The following ABCA8 variants were observed in gnomAD, a reference collection of about 807,000 sequenced individuals.
The protein encoded by ABCA8 is ABC-type organic anion transporter ABCA8.
A neutral mutation model predicts 192.3 loss-of-function variants in ABCA8; 177 were observed. That is an observed-to-expected ratio of 0.92 (90% CI 0.81 to 1.04). The LOEUF (loss-of-function observed/expected upper bound fraction) is 1.04, where lower values mean the gene tolerates loss of function less well. ABCA8 is among the 50% of genes least tolerant of loss of function. ABCA8 has a pLI of 0.00. For synonymous variants in ABCA8, 642 were observed against 690.2 expected (o/e 0.93, Z 1.09); for missense variants, 1,915 against 1,904.8 (o/e 1.01, Z -0.10).
intron 12 of ABCA8, 96 bp from the exon 13 acceptor site, chr17:68,921,588 T>C (rs2067535555): frequency 6.3e-6 from 4 of 630,902 alleles, no homozygotes; most frequent in Non-Finnish European, 1.1e-5. Context: ...CAATGAATTG[T>C]TATTAATTCT....
intron 11 of ABCA8, among the ~76,000 whole-genome samples, chr17:68,923,362 G>A (rs1022871248): frequency 6.6e-6 from 1 of 151,896 alleles, no homozygotes; most frequent in South Asian, 2.1e-4. Context: ...ACCATGCTTG[G>A]CTAATTTTTG....
intron 32 of ABCA8, chr17:68,879,617 A>T (rs2143276977): frequency 6.6e-6 from 1 of 152,410 alleles, no homozygotes; most frequent in South Asian, 2.1e-4. Flanking sequence ...GGGGCTGTGT[A>T]CTCCGGGGGA....
intron 1 of ABCA8, among the ~76,000 whole-genome samples, chr17:68,954,405 G>A (rs1408075181): frequency 6.6e-6 from 1 of 151,966 alleles, no homozygotes; most frequent in Non-Finnish European, 1.5e-5. Flanking sequence ...ATCTTCCATC[G>A]TAAAGTATTA....
At chr17:68,885,357 A>G (rs963808767) in intron 26 of ABCA8, 42 bp from the exon 27 acceptor site, 4 of 1,560,504 alleles carry the variant, frequency 2.6e-6, no homozygotes, top group East Asian at 2.3e-5. Flanking sequence ...CTGAATTTCA[A>G]TGTAAGTTCC....
At position 68,932,189 on chromosome 17, in the gene ABCA8, G is replaced by A. The variant is rs9900030; in HGVS notation, c.797+99C>T. 15,712 of 901,090 alleles carry A rather than the reference G, an allele frequency of 0.017. 1,638 individuals are homozygous for A. In the African/African-American group the frequency reaches 0.23, roughly 13 times the overall value. The allele number at this position is 901,090 out of a possible 1,614,324, so 55.8% of individuals were successfully genotyped here. A position where few individuals can be genotyped will look rare whatever the true frequency, so the allele number is the denominator to read the frequency against. On this transcript the variant is annotated intron_variant, in intron 7 of 39. Coordinates refer to ENST00000586539, the MANE Select transcript of ABCA8 (RefSeq NM_001288985.2). ...CACGCCACTGCACTCCAGCCTGGGC[G>A]ACAGAGCGAGACTCCATTTCAAAAA...
rs540971311 is a variant in ABCA8 at position 68,902,768 on chromosome 17, A to G, written c.2709T>C (p.Ala903=). The change falls in exon 21 of 40, where the codon GCT becomes GCC. Residue 903 remains alanine, a synonymous_variant. Transcript: ENST00000586539. The part of the protein sequence containing the change: ...WELSPHLYFL[A]PGQQPHDPLT... ...GAGGGTCATGTGGTTGTTGTCCAGG[A>G]GCAAGGAAATACAAATGAGGAGAAA... The G allele has an allele frequency of 1.7e-5, 28 of 1,613,814 alleles. No individual in the cohort carries two copies. The African/African-American group carries it at 3.5e-4, about 20-fold the overall frequency.
At chr17:68,886,004 A>C (rs1052152282) in intron 26 of ABCA8, among the ~76,000 whole-genome samples, 2 of 152,232 alleles carry the variant, frequency 1.3e-5, no homozygotes, top group African/African-American at 4.8e-5. Flanking sequence ...GGGAAATAGA[A>C]GCATTTAACA....
chr17:68,886,953 A>T, intron 26 of ABCA8, 64 bp downstream of exon 26: 1 of 1,177,362 alleles, frequency 8.5e-7, no homozygotes, highest in Non-Finnish European at 1.2e-6. Flanking sequence ...GGCAAAATTT[A>T]AAGGATTAGC....
chr17:68,881,307 TTAG>T, intron 31 of ABCA8, 96 bp from the exon 32 acceptor site: 1 of 869,648 alleles, frequency 1.1e-6, no homozygotes, highest in Non-Finnish European at 1.8e-6. Flanking sequence ...GCATTTGCTA[TTAG>T]TTGTCATTTA....
chr17:68,936,847 A>G (rs992784499), intron 5 of ABCA8, 104 bp downstream of exon 5: 64 of 1,014,258 alleles, frequency 6.3e-5, no homozygotes, highest in South Asian at 8.5e-5. Context: ...CATCATTATG[A>G]CAGATAGTGA....
chr17:68,885,280 A>G lies in ABCA8; in HGVS notation c.3465T>C (p.Ser1155=), dbSNP rs769278324. The change falls in exon 27 of 40, where the codon AGT becomes AGC. Residue 1155 remains serine (S), a synonymous_variant. Coordinates refer to ENST00000586539, the MANE Select transcript of ABCA8 (RefSeq NM_001288985.2). The part of the protein sequence containing the change: ...TVFSVAGFAF[S]IFESDIPFIF... ...TAAATGGAATATCACTTTCGAAGAT[A>G]CTGAACGCAAATCCAGCCACAGAGA... is the stretch of plus-strand genomic sequence containing the variant. 3.1e-6 allele frequency: 5 copies of G among 1,613,218 alleles called. No homozygotes were observed. Among genetic ancestry groups the G allele is most frequent in the Non-Finnish European group, 4.2e-6 (5 of 1,179,706 alleles).
intron 21 of ABCA8, among the ~76,000 whole-genome samples, chr17:68,899,894 T>G (rs1389278229): frequency 6.6e-6 from 1 of 152,102 alleles, no homozygotes; most frequent in Non-Finnish European, 1.5e-5. Flanking sequence ...GAAAATATTT[T>G]GAGATAAATG....
At chr17:68,932,595 G>T in intron 6 of ABCA8, 81 bp from the exon 7 acceptor site, 1 of 1,043,828 alleles carries the variant, frequency 9.6e-7, no homozygotes, top group Non-Finnish European at 1.5e-6. Flanking sequence ...TTTTCTTGTG[G>T]ATGTATGATT....
rs1023098300 is a variant in ABCA8, at chr17:68,867,531, A to G, written c.*554T>C. 1.3e-5 allele frequency: 2 copies of G among 152,174 alleles called. No individual in the cohort carries two copies. Among genetic ancestry groups the G allele is most frequent in the African/African-American group, 4.8e-5 (2 of 41,456 alleles). 9.4% of individuals were successfully genotyped at this position (152,174 alleles called of 1,614,324 possible). A position where few individuals can be genotyped will look rare whatever the true frequency, so the allele number is the denominator to read the frequency against. ...GGGTTTTTGTTTTCCATTTATGCCTACATCATGGTGTTACCTGTGGATATG... is the reference window on the plus strand; with the variant it reads ...GGGTTTTTGTTTTCCATTTATGCCTGCATCATGGTGTTACCTGTGGATATG... On this transcript the variant is annotated 3_prime_UTR_variant, in exon 40 of 40. Coordinates refer to ENST00000586539, the MANE Select transcript of ABCA8 (RefSeq NM_001288985.2).
At chr17:68,898,986 T>C (rs1467073322) in intron 21 of ABCA8, among the ~76,000 whole-genome samples, 1 of 152,118 alleles carries the variant, frequency 6.6e-6, no homozygotes, top group Non-Finnish European at 1.5e-5. Flanking sequence ...TACATATTTG[T>C]AGACTTTGTT....
At chr17:68,943,567 T>G (rs1019354290) in intron 2 of ABCA8, among the ~76,000 whole-genome samples, 7 of 152,232 alleles carry the variant, frequency 4.6e-5, no homozygotes, top group African/African-American at 1.7e-4. Context: ...TCAGATAATC[T>G]ATAAAATTAT....
chr17:68,868,548 G>T (rs570818086), intron 38 of ABCA8, among the ~76,000 whole-genome samples, 192 bp from the exon 39 acceptor site: 1 of 152,288 alleles, frequency 6.6e-6, no homozygotes, highest in African/African-American at 2.4e-5. Context: ...AAAAGCGCTT[G>T]AATTATGCTT....
intron 14 of ABCA8, among the ~76,000 whole-genome samples, chr17:68,918,930 C>CAAAAAAAAAAAAAAAA: frequency 2.2e-5 from 1 of 45,950 alleles, no homozygotes; most frequent in East Asian, 7.0e-4. Flanking sequence ...AACTCTGTCT[C>CAAAAAAAAAAAAAAAA]AAAAAAAAAA....
intron 24 of ABCA8, among the ~76,000 whole-genome samples, chr17:68,887,913 T>TTATATATGG (rs1177844138): frequency 1.7e-5 from 1 of 60,358 alleles, no homozygotes; most frequent in Non-Finnish European, 2.8e-5. Context: ...TATATCCATA[T>TTATATATGG]ATATATATAT....
Sources: gnomAD v4.1 joint callset for allele counts (sites outside exome capture counted in the v4.1 genomes callset) on GRCh38, gnomAD v4.1.1 for gene constraint, MANE v1.5 for transcripts, NCBI Gene and HGNC (gene_info 2026-07-23, HGNC 2026-07-21) for gene names.